Variants in MMS22L observed in about 807,000 individuals in gnomAD.
MMS22L encodes MMS22 like, DNA repair protein.
Under a neutral mutation model 159.1 loss-of-function variants are expected in MMS22L, and 74 were observed. The observed-to-expected ratio is 0.47, with a 90% CI of 0.39 to 0.56. The LOEUF (loss-of-function observed/expected upper bound fraction) is 0.56, where lower values mean the gene tolerates loss of function less well. Ranked by LOEUF, MMS22L falls within the 20% of genes least tolerant of loss-of-function variation. MMS22L has a pLI of 0.00. For missense variants in MMS22L, 1,351 were observed against 1,422.1 expected (o/e 0.95, Z 0.80); for synonymous variants, 517 against 506.9 (o/e 1.02, Z -0.27).
In MMS22L at chr6:97,229,099, C is replaced by T; in HGVS notation, c.1834G>A (p.Glu612Lys). 6.2e-7 allele frequency: 1 copy of T among 1,614,134 alleles called. No homozygotes were observed. Among genetic ancestry groups the T allele is most frequent in the Non-Finnish European group, 8.5e-7 (1 of 1,179,988 alleles). The change falls in exon 14 of 25, where the codon GAG becomes AAG. Residue 612 changes from glutamate to lysine, a missense_variant. Physicochemically the swap from Glu to Lys is moderately conservative, Grantham distance 56. Coordinates refer to ENST00000683635, the MANE Select transcript of MMS22L (RefSeq NM_001350599.2). The part of the protein sequence containing the change: ...KAKEFLVSKN[E>K]EMVQRQTIWT... ...ATAGTCTGTCTCTGTACCATTTCCT[C>T]ATTCTTAGACACCAAGAATTCCTTT...
Position 97,156,217 on chromosome 6 carries a change from C to G in MMS22L, c.3386-4350G>C, listed in dbSNP as rs1219562553. Among the ~76,000 whole-genome samples, 4 of 152,260 alleles carry G rather than the reference C, an allele frequency of 2.6e-5. No homozygotes were observed. The East Asian group carries it at 7.7e-4, about 29-fold the overall frequency. On this transcript the variant is annotated intron_variant, in intron 22 of 24. Coordinates refer to ENST00000683635, the MANE Select transcript of MMS22L (RefSeq NM_001350599.2). ...AATTTGTTTAAGTTCTTTGTAGATTCTGGATATTAGCCCTTTGCCAGATGG... is the reference window on the plus strand; with the variant it reads ...AATTTGTTTAAGTTCTTTGTAGATTGTGGATATTAGCCCTTTGCCAGATGG...
rs1172701668 is a variant in MMS22L at position 97,186,513 on chromosome 6, A to T, written c.2217T>A (p.Leu739=). ...RMSQVVPFSQ[L]ADAAADFTLL... The stretch of plus-strand genomic sequence containing the variant: ...AATGCTGACCTGCAGCTGCATCCGC[A>T]AGTTGTGAGAAAGGCACTACCTGTG... The change falls in exon 15 of 25, where the codon CTT becomes CTA. Residue 739 remains leucine (L), a synonymous_variant. Transcript: ENST00000683635. 1 of 1,612,544 alleles carries T rather than the reference A, an allele frequency of 6.2e-7. No individual in the cohort carries two copies. Among genetic ancestry groups the T allele is most frequent in the South Asian group, 1.1e-5 (1 of 90,882 alleles).
chr6:97,166,493 A>G (rs914156100), intron 20 of MMS22L, among the ~76,000 whole-genome samples: 1 of 152,172 alleles, frequency 6.6e-6, no homozygotes, highest in Non-Finnish European at 1.5e-5. Context: ...CCAAATAAAC[A>G]ACTGAAAAAA....
At chr6:97,251,306 C>T (rs139561217) in intron 10 of MMS22L, among the ~76,000 whole-genome samples, 12 of 152,266 alleles carry the variant, frequency 7.9e-5, no homozygotes, top group Middle Eastern at 3.4e-3. Context: ...CTGTGTATCT[C>T]AATTTCTTTA....
chr6:97,164,692 C>T (rs1802785118), intron 21 of MMS22L, among the ~76,000 whole-genome samples: 1 of 152,058 alleles, frequency 6.6e-6, no homozygotes, highest in African/African-American at 2.4e-5. Context: ...TGTCAGCTTA[C>T]TGCAACCTCT....
intron 19 of MMS22L, 35 bp from the exon 20 acceptor site, chr6:97,168,275 T>TATC (rs1803183380): frequency 6.3e-7 from 1 of 1,599,830 alleles, no homozygotes; most frequent in African/African-American, 1.3e-5. Flanking sequence ...ATGTTGTTGT[T>TATC]ATCCTCTGAC....
At chr6:97,279,798 A>G (rs1816592041) in intron 3 of MMS22L, among the ~76,000 whole-genome samples, 1 of 152,088 alleles carries the variant, frequency 6.6e-6, no homozygotes, top group Non-Finnish European at 1.5e-5. Flanking sequence ...AAAAAAAAAA[A>G]AAGAAGTTTA....
chr6:97,188,559 C>G (rs568350573), intron 14 of MMS22L, among the ~76,000 whole-genome samples: 35 of 152,302 alleles, frequency 2.3e-4, no homozygotes, highest in Admixed American at 2.0e-3. Context: ...CTGGCCCCAT[C>G]ATCTGAACTT....
intron 14 of MMS22L, among the ~76,000 whole-genome samples, chr6:97,220,261 A>G (rs1809487789): frequency 6.6e-6 from 1 of 152,194 alleles, no homozygotes; most frequent in South Asian, 2.1e-4. Flanking sequence ...GAGAATCACA[A>G]GAAAAAGTTA....
At chr6:97,255,023 A>G (rs1326232707) in intron 9 of MMS22L, among the ~76,000 whole-genome samples, 1 of 151,958 alleles carries the variant, frequency 6.6e-6, no homozygotes, top group Non-Finnish European at 1.5e-5. Flanking sequence ...ACCAGCCTAT[A>G]TTATATATTG....
At chr6:97,253,913 C>A (rs987485983) in intron 10 of MMS22L, 1 of 152,152 alleles carries the variant, frequency 6.6e-6, no homozygotes, top group African/African-American at 2.4e-5. Context: ...TACAATAATA[C>A]AATACTATTA....
chr6:97,229,078 T>G lies in MMS22L; in HGVS notation c.1855A>C (p.Thr619Pro), dbSNP rs1438168319. The G allele has an allele frequency of 3.1e-6, 5 of 1,613,808 alleles. No individual in the cohort carries two copies. The highest frequency in any genetic ancestry group is 3.4e-6 in the Non-Finnish European group (4 of 1,179,794). Residue 619 changes from threonine (T) to proline (P), a missense_variant, in exon 14 of 25, where the codon ACT becomes CCT. By Grantham distance (38) the Thr-to-Pro change is conservative. Transcript: ENST00000683635. ...TATATGGAAAGAAGGGTCCAGATAG[T>G]CTGTCTCTGTACCATTTCCTCATTC... ...SKNEEMVQRQ[T>P]IWTLLSIYID...
At chr6:97,206,822 C>A (rs1163827725) in intron 14 of MMS22L, among the ~76,000 whole-genome samples, 1 of 152,140 alleles carries the variant, frequency 6.6e-6, no homozygotes, top group Non-Finnish European at 1.5e-5. Context: ...AAACTAAGTA[C>A]TGTCCAATGT....
chr6:97,176,935 C>T (rs1473022988), intron 18 of MMS22L, among the ~76,000 whole-genome samples: 1 of 152,024 alleles, frequency 6.6e-6, no homozygotes, highest in African/African-American at 2.4e-5. Context: ...CTTGGGGAGA[C>T]CTGACACAAC....
chr6:97,151,680 T>C, intron 23 of MMS22L, 91 bp downstream of exon 23: 1 of 979,848 alleles, frequency 1.0e-6, no homozygotes, highest in Admixed American at 1.8e-5. Flanking sequence ...AGTAACACAT[T>C]ATGTTTTGGA....
chr6:97,281,102 T>C, intron 3 of MMS22L, 135 bp downstream of exon 3: 2 of 763,820 alleles, frequency 2.6e-6, no homozygotes, highest in Middle Eastern at 3.4e-4. Flanking sequence ...TTATTGTTAC[T>C]GGTAAGATAA....
rs558807026 is a variant in MMS22L at position 97,264,180 on chromosome 6, T to C, written c.829-732A>G. The stretch of plus-strand genomic sequence containing the variant: ...AAACTATATTTACAAAAATAGGTAA[T>C]GGGCTAGATTACACCTCAGGGCTAG... On this transcript the variant is annotated intron_variant, in intron 8 of 24. Coordinates refer to ENST00000683635, the MANE Select transcript of MMS22L (RefSeq NM_001350599.2). 3.9e-5 allele frequency: 6 copies of C among 152,284 alleles called. No homozygotes were observed. The East Asian group carries it at 9.7e-4, about 25-fold the overall frequency. 9.4% of individuals were successfully genotyped at this position (152,284 alleles called of 1,614,324 possible). A position where few individuals can be genotyped will look rare whatever the true frequency, so the allele number is the denominator to read the frequency against.
intron 21 of MMS22L, 61 bp from the exon 22 acceptor site, chr6:97,162,226 G>A (rs1193799922): frequency 4.1e-6 from 6 of 1,451,122 alleles, no homozygotes; most frequent in Non-Finnish European, 5.6e-6. Flanking sequence ...AAGACCAAAT[G>A]GCATATAATT....
At chr6:97,247,764 T>C (rs971121877) in intron 10 of MMS22L, among the ~76,000 whole-genome samples, 2 of 151,940 alleles carry the variant, frequency 1.3e-5, no homozygotes, top group Admixed American at 6.6e-5. Flanking sequence ...AAGCAAAACC[T>C]GAGGCCTTAA....
Sources: allele counts gnomAD v4.1 joint callset (sites outside exome capture counted in the v4.1 genomes callset), GRCh38; gene constraint gnomAD v4.1.1; transcripts MANE v1.5; gene names NCBI Gene and HGNC (gene_info 2026-07-23, HGNC 2026-07-21).